HERC2: variants seen among roughly 807,000 people sequenced by gnomAD.
HERC2 encodes the protein E3 ubiquitin-protein ligase HERC2.
In HERC2, 102 loss-of-function variants were observed where a neutral mutation model predicts 537.7. The observed-to-expected ratio is 0.19, with a 90% CI of 0.16 to 0.22. The LOEUF (loss-of-function observed/expected upper bound fraction) is 0.22, where lower values mean the gene tolerates loss of function less well. Among genes scored for constraint, HERC2 ranks in the 10% least tolerant of loss-of-function variants. The pLI is 1.00. For synonymous variants in HERC2, 2,224 were observed against 2,466.2 expected (o/e 0.90, Z 2.91); for missense variants, 4,236 against 6,198.2 (o/e 0.68, Z 10.63).
chr15:28,208,503 C>T (rs1283584431), intron 44 of HERC2, among the ~76,000 whole-genome samples: 1 of 151,918 alleles, frequency 6.6e-6, no homozygotes, highest in African/African-American at 2.4e-5. Flanking sequence ...ACCTTCCTAG[C>T]AGGTGTATCA....
intron 2 of HERC2, among the ~76,000 whole-genome samples, chr15:28,304,568 G>A (rs1361542518): frequency 5.8e-4 from 88 of 151,956 alleles, no homozygotes; most frequent in African/African-American, 1.7e-3. Flanking sequence ...GGGTATCACC[G>A]TGTTGGCCAG....
chr15:28,307,933 T>C (rs548576332), intron 2 of HERC2, among the ~76,000 whole-genome samples: 1 of 152,190 alleles, frequency 6.6e-6, no homozygotes, highest in South Asian at 2.1e-4. Flanking sequence ...GCTAGTACTA[T>C]GCTGTTTTGG....
intron 69 of HERC2, among the ~76,000 whole-genome samples, chr15:28,154,695 T>G (rs1279426563): frequency 1.3e-5 from 2 of 152,186 alleles, no homozygotes; most frequent in African/African-American, 4.8e-5. Context: ...CATCCATATA[T>G]AAAGGTAACC....
chr15:28,151,970 G>A (rs1016288376), intron 70 of HERC2, among the ~76,000 whole-genome samples: 12 of 152,200 alleles, frequency 7.9e-5, no homozygotes, highest in African/African-American at 2.9e-4. Context: ...CACTAGAATA[G>A]CACCATTTGT....
At position 28,248,602 on chromosome 15, in the gene HERC2, A is replaced by G; in HGVS notation, c.3185T>C (p.Ile1062Thr). The G allele has an allele frequency of 6.2e-7, 1 of 1,614,126 alleles. No individual in the cohort carries two copies. Among genetic ancestry groups the G allele is most frequent in the Non-Finnish European group, 8.5e-7 (1 of 1,179,954 alleles). Reference protein sequence around the residue: ...DLLLRFQRLLISKLYPGESIG... With the variant: ...DLLLRFQRLLTSKLYPGESIG... ...ACTTTCTCCTGGATAAAGTTTACTAATAAGCAAACGTTGAAAACGCAGTAA... is the reference window on the plus strand; with the variant it reads ...ACTTTCTCCTGGATAAAGTTTACTAGTAAGCAAACGTTGAAAACGCAGTAA... The change falls in exon 21 of 93, where the codon ATT becomes ACT. Residue 1062 changes from isoleucine to threonine, a missense_variant. Ile to Thr is a moderately conservative substitution (Grantham distance 89). Coordinates refer to ENST00000261609, the MANE Select transcript of HERC2 (RefSeq NM_004667.6).
chr15:28,163,064 T>A, intron 69 of HERC2, 30 bp downstream of exon 69: 1 of 1,573,824 alleles, frequency 6.4e-7, no homozygotes, highest in Non-Finnish European at 8.6e-7. Flanking sequence ...GGAGGTGGAA[T>A]CAGACGGCCC....
At position 28,306,196 on chromosome 15, in the gene HERC2, G is replaced by A. The variant is rs143019486; in HGVS notation, c.73-6680C>T. 5.0e-3 allele frequency among the ~76,000 whole-genome samples: 755 copies of A among 152,326 alleles called. 10 individuals carry two copies. Among genetic ancestry groups the A allele is most frequent in the African/African-American group, 0.017 (715 of 41,558 alleles). On this transcript the variant is annotated intron_variant, in intron 2 of 92. Coordinates refer to ENST00000261609, the MANE Select transcript of HERC2 (RefSeq NM_004667.6). ...TTTTTCACCTTTCAGTATGATACTA[G>A]CTGTGTGTCAGCTGTATATGGCTTT...
chr15:28,238,271 A>C, intron 24 of HERC2, 54 bp from the exon 25 acceptor site: 1 of 1,262,362 alleles, frequency 7.9e-7, no homozygotes, highest in Non-Finnish European at 1.2e-6. Context: ...GCCTGAAGAG[A>C]TATAGGAGAA....
intron 2 of HERC2, among the ~76,000 whole-genome samples, chr15:28,313,281 C>T (rs1191980577): frequency 6.6e-6 from 1 of 151,632 alleles, no homozygotes; most frequent in Middle Eastern, 3.2e-3. Context: ...GGGTTCATGC[C>T]ATTCTCCTGC....
chr15:28,207,531 C>T (rs1161002998), intron 44 of HERC2, among the ~76,000 whole-genome samples: 1 of 152,188 alleles, frequency 6.6e-6, no homozygotes, highest in Non-Finnish European at 1.5e-5. Context: ...TCCAGCTAAG[C>T]TTTGTTGAGA....
chr15:28,243,614 G>C (rs927952880), intron 23 of HERC2, among the ~76,000 whole-genome samples: 24 of 152,250 alleles, frequency 1.6e-4, no homozygotes, highest in African/African-American at 5.5e-4. Flanking sequence ...ACTGATTAAT[G>C]CACACAGGAA....
intron 65 of HERC2, among the ~76,000 whole-genome samples, chr15:28,171,462 A>C (rs930618118): frequency 2.6e-5 from 4 of 152,208 alleles, no homozygotes; most frequent in Non-Finnish European, 5.9e-5. Flanking sequence ...CCAGAAAAGA[A>C]GACAGCACAG....
At chr15:28,252,413 T>A (rs1398880620) in intron 20 of HERC2, among the ~76,000 whole-genome samples, 3 of 152,048 alleles carry the variant, frequency 2.0e-5, no homozygotes, top group African/African-American at 2.4e-5. Context: ...TGAAGCAGCC[T>A]CCTCAGAAAA....
chr15:28,149,564 C>G (rs993479731), intron 70 of HERC2, among the ~76,000 whole-genome samples: 12 of 151,470 alleles, frequency 7.9e-5, no homozygotes, highest in Admixed American at 2.6e-4. Context: ...CACCAACATA[C>G]GTTCTAGTAA....
At chr15:28,304,075 A>AGGATC (rs2076709239) in intron 2 of HERC2, among the ~76,000 whole-genome samples, 2 of 142,836 alleles carry the variant, frequency 1.4e-5, no homozygotes, top group Admixed American at 1.5e-4. Flanking sequence ...CTAAGGCAGG[A>AGGATC]GGATCGCTTC....
intron 8 of HERC2, 50 bp downstream of exon 8, chr15:28,272,844 T>G: frequency 8.1e-7 from 1 of 1,232,540 alleles, no homozygotes; most frequent in Non-Finnish European, 1.2e-6. Flanking sequence ...AACAGGTATT[T>G]CCATACACAG....
intron 2 of HERC2, among the ~76,000 whole-genome samples, chr15:28,314,352 C>T (rs1357823236): frequency 6.6e-6 from 1 of 152,022 alleles, no homozygotes; most frequent in Non-Finnish European, 1.5e-5. Flanking sequence ...GATGTCAGCT[C>T]GGAACAATGG....
At chr15:28,262,759 A>T (rs1308043710) in intron 15 of HERC2, among the ~76,000 whole-genome samples, 159 bp downstream of exon 15, 2 of 152,258 alleles carry the variant, frequency 1.3e-5, no homozygotes, top group African/African-American at 4.8e-5. Flanking sequence ...AGCAGGCAGT[A>T]AAAGTTTCTA....
intron 4 of HERC2, among the ~76,000 whole-genome samples, chr15:28,289,825 A>C (rs2076262951): frequency 6.6e-6 from 1 of 152,222 alleles, no homozygotes. Context: ...GTGCAGTGAG[A>C]GGACGACACA....
Sources: gnomAD v4.1 joint callset for allele counts (sites outside exome capture counted in the v4.1 genomes callset) on GRCh38, gnomAD v4.1.1 for gene constraint, MANE v1.5 for transcripts, NCBI Gene and HGNC (gene_info 2026-07-23, HGNC 2026-07-21) for gene names.